Variants in MAGED1 observed in about 807,000 individuals in gnomAD.
The protein encoded by MAGED1 is MAGE family member D1.
In MAGED1, 3 loss-of-function variants were observed where a neutral mutation model predicts 54.1. That is an observed-to-expected ratio of 0.06 (90% CI 0.03 to 0.14). MAGED1 has a LOEUF of 0.14. Ranked by LOEUF, MAGED1 falls within the 10% of genes least tolerant of loss-of-function variation. The pLI is 1.00. For missense variants in MAGED1, 485 were observed against 623.4 expected (o/e 0.78, Z 2.36); for synonymous variants, 217 against 227.3 (o/e 0.95, Z 0.41).
chrX:51,826,784 T>C (rs1569555544), intron 1 of MAGED1, among the ~76,000 whole-genome samples: 1 of 112,427 alleles, frequency 8.9e-6, no homozygotes, highest in African/African-American at 3.2e-5. Context: ...CTGGTGGGAA[T>C]ACAAAATGGT....
intron 5 of MAGED1, 39 bp downstream of exon 5, chrX:51,897,310 C>T (rs1928804366): frequency 8.8e-7 from 1 of 1,131,450 alleles, no homozygotes. Flanking sequence ...TCTGCCCTTC[C>T]CTTCACTCCA....
At chrX:51,894,609 A>ATTT in intron 2 of MAGED1, 5 of 992,472 alleles carry the variant, frequency 5.0e-6, no homozygotes, top group Admixed American at 2.8e-5. Context: ...GTAAGGAACC[A>ATTT]TTTTTTTTTT....
chrX:51,817,771 CGTAGTG>C (rs1925485457), intron 1 of MAGED1, among the ~76,000 whole-genome samples: 1 of 112,011 alleles, frequency 8.9e-6, no homozygotes, highest in African/African-American at 3.2e-5. Context: ...TTGTGCCACA[CGTAGTG>C]CAAGGCCCTA....
chrX:51,813,361 A>G (rs1925297734), intron 1 of MAGED1, among the ~76,000 whole-genome samples: 1 of 110,533 alleles, frequency 9.0e-6, no homozygotes, highest in African/African-American at 3.3e-5. Context: ...CTCCCTCTTC[A>G]TTTTCTGCTC....
chrX:51,823,208 GT>G (rs1481502009), intron 1 of MAGED1, among the ~76,000 whole-genome samples: 1 of 111,282 alleles, frequency 9.0e-6, no homozygotes, highest in East Asian at 2.8e-4. Flanking sequence ...CTGTCTGATT[GT>G]TTTTATCTGT....
At chrX:51,830,302 T>G (rs1926013996) in intron 1 of MAGED1, among the ~76,000 whole-genome samples, 1 of 111,439 alleles carries the variant, frequency 9.0e-6, no homozygotes, top group East Asian at 2.8e-4. Flanking sequence ...ATAGAAATGA[T>G]GCACACCATA....
chrX:51,836,933 C>T (rs1030496364), intron 1 of MAGED1, among the ~76,000 whole-genome samples: 21 of 111,413 alleles, frequency 1.9e-4, no homozygotes, highest in Non-Finnish European at 3.2e-4. Context: ...TCTTTTTCTG[C>T]ACTGTTTCCC....
intron 1 of MAGED1, among the ~76,000 whole-genome samples, chrX:51,823,252 ATG>A (rs1234502763): frequency 1.8e-5 from 2 of 111,391 alleles, no homozygotes; most frequent in African/African-American, 6.5e-5. Context: ...CAGCCAGAAT[ATG>A]TTATTGAATT....
intron 1 of MAGED1, among the ~76,000 whole-genome samples, chrX:51,816,176 C>G (rs369333517): frequency 1.8e-5 from 2 of 108,973 alleles, no homozygotes; most frequent in Non-Finnish European, 3.8e-5. Flanking sequence ...TGCAATGGTG[C>G]GATCTCTGCT....
chrX:51,876,160 A>T (rs1253031828), intron 1 of MAGED1, among the ~76,000 whole-genome samples: 5 of 111,358 alleles, frequency 4.5e-5, no homozygotes, highest in Non-Finnish European at 9.4e-5. Context: ...CAAGCTTCAG[A>T]TCTTATTAAC....
chrX:51,861,301 TAAC>T (rs1557360646), intron 1 of MAGED1, among the ~76,000 whole-genome samples: 2 of 111,827 alleles, frequency 1.8e-5, no homozygotes, highest in Admixed American at 9.5e-5. Flanking sequence ...AAAAAAGAAA[TAAC>T]AAAAAATAGC....
At chrX:51,886,646 AAAG>A (rs1303260369) in intron 1 of MAGED1, among the ~76,000 whole-genome samples, 2 of 110,705 alleles carry the variant, frequency 1.8e-5, no homozygotes, top group Non-Finnish European at 3.8e-5. Flanking sequence ...CTACAAAAAA[AAAG>A]AAAAAATCTC....
chrX:51,827,204 A>G (rs782584129), intron 1 of MAGED1, among the ~76,000 whole-genome samples: 19 of 111,327 alleles, frequency 1.7e-4, no homozygotes, highest in Non-Finnish European at 2.6e-4. Context: ...CAGAGGTTGC[A>G]GTGAGCTGAG....
intron 1 of MAGED1, among the ~76,000 whole-genome samples, chrX:51,867,478 C>A (rs1927497335): frequency 9.0e-6 from 1 of 111,684 alleles, no homozygotes; most frequent in African/African-American, 3.3e-5. Context: ...GCATCCAGCA[C>A]GAGAGAAAGA....
At chrX:51,832,007 C>G (rs1274015422) in intron 1 of MAGED1, among the ~76,000 whole-genome samples, 1 of 111,816 alleles carries the variant, frequency 8.9e-6, no homozygotes, top group African/African-American at 3.3e-5. Flanking sequence ...TCCAATTCCA[C>G]TCTGTTAGTT....
chrX:51,888,886 T>G (rs1172362265), upstream of MAGED1, among the ~76,000 whole-genome samples: 1 of 112,381 alleles, frequency 8.9e-6, no homozygotes, highest in Non-Finnish European at 1.9e-5. Flanking sequence ...ACATATTGTA[T>G]GATTACATTT....
At chrX:51,878,752 TTATACA>T (rs1165900411) in intron 1 of MAGED1, among the ~76,000 whole-genome samples, 13 of 111,778 alleles carry the variant, frequency 1.2e-4, no homozygotes, top group Non-Finnish European at 2.4e-4. Context: ...TTTAAAATTC[TTATACA>T]TATATAAATA....
At chrX:51,832,688 C>G (rs1208483542) in intron 1 of MAGED1, among the ~76,000 whole-genome samples, 1 of 111,444 alleles carries the variant, frequency 9.0e-6, no homozygotes, top group African/African-American at 3.3e-5. Context: ...CTTAATGTGT[C>G]TTCTTACCTC....
intron 1 of MAGED1, among the ~76,000 whole-genome samples, chrX:51,834,236 G>A (rs1249414794): frequency 9.0e-6 from 1 of 111,377 alleles, no homozygotes; most frequent in African/African-American, 3.3e-5. Context: ...CCACATCTGG[G>A]CAAGATAAGA....
Sources: gnomAD v4.1 joint callset for allele counts (sites outside exome capture counted in the v4.1 genomes callset) on GRCh38, gnomAD v4.1.1 for gene constraint, MANE v1.5 for transcripts, NCBI Gene and HGNC (gene_info 2026-07-23, HGNC 2026-07-21) for gene names.